MCU: variants seen among roughly 807,000 people sequenced by gnomAD.
MCU encodes the protein mitochondrial calcium uniporter, also known as calcium uniporter protein, mitochondrial.
MCU carries 12 observed loss-of-function variants against 45.2 expected under a neutral mutation model. The ratio of observed to expected loss-of-function variants is 0.27; its 90% CI spans 0.17 to 0.43. MCU has a LOEUF of 0.43. MCU is among the 20% of genes least tolerant of loss of function. The probability of loss-of-function intolerance (pLI) is 1.00; values close to 1 mark genes in which losing one functional copy is unlikely to be tolerated. For missense variants in MCU, 324 were observed against 436.7 expected (o/e 0.74, Z 2.30); for synonymous variants, 160 against 165.1 (o/e 0.97, Z 0.24).
chr10:72,869,505 T>G (rs2132882787), intron 5 of MCU, among the ~76,000 whole-genome samples: 1 of 152,310 alleles, frequency 6.6e-6, no homozygotes, highest in African/African-American at 2.4e-5. Flanking sequence ...CGAGAATCAC[T>G]TGAACCTGGG....
rs543172315 is a variant in MCU at position 72,818,506 on chromosome 10, G to A, written c.151-15853G>A. 2.6e-5 allele frequency among the ~76,000 whole-genome samples: 4 copies of A among 152,220 alleles called. No individual in the cohort carries two copies. The East Asian group carries it at 7.7e-4, about 29-fold the overall frequency. Reference sequence around the variant, plus strand: ...AGATCAATTAGTGAATTGTTTAGTAGCATTGAATCTAAAGAGCTTGTGTTG... The same window carrying A: ...AGATCAATTAGTGAATTGTTTAGTAACATTGAATCTAAAGAGCTTGTGTTG... On this transcript the variant is annotated intron_variant, in intron 1 of 7. Coordinates refer to ENST00000373053, the MANE Select transcript of MCU (RefSeq NM_138357.3).
chr10:72,876,662 A>C (rs1284775164), intron 6 of MCU, among the ~76,000 whole-genome samples: 1 of 152,172 alleles, frequency 6.6e-6, no homozygotes, highest in Non-Finnish European at 1.5e-5. Flanking sequence ...TAACAGTTAG[A>C]AGCTTTCTAA....
intron 5 of MCU, among the ~76,000 whole-genome samples, chr10:72,870,278 A>C (rs1286164801): frequency 3.3e-5 from 5 of 151,580 alleles, no homozygotes; most frequent in Non-Finnish European, 7.4e-5. Flanking sequence ...TTTTACCTAT[A>C]TTTTCTTTTC....
intron 2 of MCU, among the ~76,000 whole-genome samples, chr10:72,854,538 A>G (rs1321272752): frequency 6.6e-6 from 1 of 152,218 alleles, no homozygotes; most frequent in Non-Finnish European, 1.5e-5. Flanking sequence ...CCTCTAAACT[A>G]TACCTAAAGT....
At chr10:72,866,753 T>A (rs1354203556) in intron 4 of MCU, among the ~76,000 whole-genome samples, 1 of 152,048 alleles carries the variant, frequency 6.6e-6, no homozygotes, top group Non-Finnish European at 1.5e-5. Flanking sequence ...AAATAGTTCA[T>A]GAAAGGGGAC....
chr10:72,753,654 C>A (rs1440850936), intron 1 of MCU, among the ~76,000 whole-genome samples: 1 of 152,196 alleles, frequency 6.6e-6, no homozygotes. Flanking sequence ...GCTGGTAGAT[C>A]GCTTGAGCCC....
intron 1 of MCU, among the ~76,000 whole-genome samples, chr10:72,702,244 C>G (rs968487784): frequency 2.0e-5 from 3 of 149,494 alleles, no homozygotes; most frequent in African/African-American, 4.9e-5. Flanking sequence ...GAGCAAAACT[C>G]TGTCTCAAAA....
intron 1 of MCU, among the ~76,000 whole-genome samples, chr10:72,709,660 A>G (rs1158173565): frequency 2.0e-5 from 3 of 151,320 alleles, no homozygotes; most frequent in East Asian, 1.9e-4. Context: ...ATAGATGTCA[A>G]TAGTTTGGTT....
At chr10:72,877,296 A>G (rs1196022345) in intron 6 of MCU, among the ~76,000 whole-genome samples, 2 of 152,244 alleles carry the variant, frequency 1.3e-5, no homozygotes, top group Non-Finnish European at 2.9e-5. Flanking sequence ...GAGGAAGCAC[A>G]GAAAGATTTG....
intron 1 of MCU, among the ~76,000 whole-genome samples, chr10:72,783,284 C>A (rs1844022604): frequency 6.6e-6 from 1 of 152,220 alleles, no homozygotes; most frequent in Admixed American, 6.5e-5. Context: ...GTTTTACATT[C>A]CTTCCTATCC....
chr10:72,805,123 C>CTTTCTTTCTTTCTT (rs1844418011), intron 1 of MCU, among the ~76,000 whole-genome samples: 1 of 133,070 alleles, frequency 7.5e-6, no homozygotes, highest in Non-Finnish European at 1.5e-5. Flanking sequence ...TTCTTTCTTT[C>CTTTCTTTCTTTCTT]TTTCTTTCTT....
intron 6 of MCU, among the ~76,000 whole-genome samples, chr10:72,873,429 T>C (rs1477386935): frequency 6.6e-6 from 1 of 152,226 alleles, no homozygotes; most frequent in East Asian, 1.9e-4. Flanking sequence ...TTCAGATCTT[T>C]TGCCTATATT....
intron 6 of MCU, among the ~76,000 whole-genome samples, chr10:72,883,336 T>C (rs1162676498): frequency 1.3e-5 from 2 of 152,222 alleles, no homozygotes; most frequent in Non-Finnish European, 1.5e-5. Context: ...TTATAAACCA[T>C]TGAGCATTAT....
intron 1 of MCU, among the ~76,000 whole-genome samples, chr10:72,761,570 A>G (rs751545910): frequency 6.6e-6 from 1 of 152,192 alleles, no homozygotes; most frequent in Non-Finnish European, 1.5e-5. Flanking sequence ...CTCAACTGTG[A>G]TGACTGACTT....
intron 1 of MCU, among the ~76,000 whole-genome samples, chr10:72,776,170 TA>T (rs1005657745): frequency 1.4e-3 from 194 of 141,718 alleles, no homozygotes; most frequent in Middle Eastern, 7.2e-3. Flanking sequence ...CCCTATCTCT[TA>T]AAAAAAAAAA....
intron 1 of MCU, among the ~76,000 whole-genome samples, chr10:72,716,786 C>T (rs1389197557): frequency 3.3e-5 from 5 of 151,820 alleles, no homozygotes; most frequent in Admixed American, 6.6e-5. Context: ...GTGAAAGGAT[C>T]GCTTGAGCCC....
At chr10:72,847,065 G>A (rs1384532094) in intron 2 of MCU, among the ~76,000 whole-genome samples, 5 of 152,158 alleles carry the variant, frequency 3.3e-5, no homozygotes, top group Admixed American at 6.5e-5. Context: ...TCCGCCTCCC[G>A]GGTTCAAGCG....
At chr10:72,840,863 A>G (rs913120731) in intron 2 of MCU, among the ~76,000 whole-genome samples, 1 of 152,218 alleles carries the variant, frequency 6.6e-6, no homozygotes, top group Non-Finnish European at 1.5e-5. Flanking sequence ...TTGTTTCATC[A>G]CAGAACTCTT....
intron 1 of MCU, among the ~76,000 whole-genome samples, chr10:72,694,788 T>G (rs1307641913): frequency 6.6e-6 from 1 of 152,220 alleles, no homozygotes; most frequent in African/African-American, 2.4e-5. Flanking sequence ...CACTGCCTAA[T>G]TTTTTAAGTG....
Sources: allele counts gnomAD v4.1 joint callset (sites outside exome capture counted in the v4.1 genomes callset), GRCh38; gene constraint gnomAD v4.1.1; transcripts MANE v1.5; gene names NCBI Gene and HGNC (gene_info 2026-07-23, HGNC 2026-07-21).